The following CLVS1 variants were observed in gnomAD, a reference collection of about 807,000 sequenced individuals.
The protein encoded by CLVS1 is clavesin 1, also known as clavesin-1.
A neutral mutation model predicts 33.1 loss-of-function variants in CLVS1; 10 were observed. The ratio of observed to expected loss-of-function variants is 0.30; its 90% CI spans 0.19 to 0.51. CLVS1 has a LOEUF of 0.51. CLVS1 is among the 20% of genes least tolerant of loss of function. The probability of loss-of-function intolerance (pLI) is 0.97; values close to 1 mark genes in which losing one functional copy is unlikely to be tolerated. For synonymous variants in CLVS1, 163 were observed against 166.1 expected (o/e 0.98, Z 0.14); for missense variants, 343 against 433.4 (o/e 0.79, Z 1.85).
the CLVS1 span, among the ~76,000 whole-genome samples, chr8:61,006,158 T>C: frequency 3.3e-5 from 5 of 152,282 alleles, no homozygotes; most frequent in East Asian, 9.7e-4. Flanking sequence ...GAGGAGTCAC[T>C]TGAAGGGAGG....
intron 1 of CLVS1, among the ~76,000 whole-genome samples, chr8:61,074,329 C>T (rs1251356446): frequency 6.8e-6 from 1 of 146,734 alleles, no homozygotes; most frequent in Non-Finnish European, 1.5e-5. Context: ...CAGAGCGAGA[C>T]CCTGTCTCAA....
At chr8:61,366,641 C>T (rs187234576) in intron 2 of CLVS1, among the ~76,000 whole-genome samples, 10 of 152,276 alleles carry the variant, frequency 6.6e-5, no homozygotes, top group Admixed American at 2.6e-4. Flanking sequence ...TTCCTTCTTT[C>T]GCTAAGAAAC....
intron 3 of CLVS1, among the ~76,000 whole-genome samples, chr8:61,416,297 GCT>G (rs1554572727): frequency 2.0e-3 from 293 of 150,168 alleles, no homozygotes; most frequent in East Asian, 5.3e-3. Context: ...TAGCTAGCTA[GCT>G]AGCTAGATAC....
At chr8:61,298,497 TTG>T (rs1339809074) in intron 1 of CLVS1, among the ~76,000 whole-genome samples, 10 of 152,294 alleles carry the variant, frequency 6.6e-5, no homozygotes, top group African/African-American at 2.2e-4. Flanking sequence ...TGTGAGATGA[TTG>T]TCTCTCTTAA....
chr8:61,477,387 C>T (rs1022917691), intron 5 of CLVS1, among the ~76,000 whole-genome samples: 2 of 152,162 alleles, frequency 1.3e-5, no homozygotes. Context: ...CCAGCTCCTC[C>T]TTGTACCTCT....
At chr8:61,170,411 T>G (rs937223752) in intron 2 of CLVS1, among the ~76,000 whole-genome samples, 36 of 152,166 alleles carry the variant, frequency 2.4e-4, no homozygotes, top group African/African-American at 8.7e-4. Flanking sequence ...CACTCTGAGT[T>G]AAAGGGTATA....
chr8:61,330,232 T>C (rs1441869829), intron 2 of CLVS1, among the ~76,000 whole-genome samples: 2 of 152,116 alleles, frequency 1.3e-5, no homozygotes, highest in East Asian at 3.9e-4. Context: ...TGTTACAGTG[T>C]CCACGGACTT....
chr8:61,278,551 T>A (rs1413916447), intron 2 of CLVS1, among the ~76,000 whole-genome samples: 1 of 152,242 alleles, frequency 6.6e-6, no homozygotes, highest in Non-Finnish European at 1.5e-5. Context: ...TGGACATAAC[T>A]TTCCAAGATC....
intron 1 of CLVS1, among the ~76,000 whole-genome samples, chr8:61,063,880 C>A (rs1804629884): frequency 1.3e-5 from 2 of 152,174 alleles, no homozygotes; most frequent in Non-Finnish European, 2.9e-5. Context: ...CCAATAACCT[C>A]ATTTCTCCAT....
At chr8:61,461,573 A>G (rs1300421064) in intron 5 of CLVS1, among the ~76,000 whole-genome samples, 1 of 152,214 alleles carries the variant, frequency 6.6e-6, no homozygotes, top group African/African-American at 2.4e-5. Flanking sequence ...CCCCTCATAG[A>G]CCATGTGTTT....
At chr8:61,290,513 C>G (rs1489958550) in intron 1 of CLVS1, among the ~76,000 whole-genome samples, 1 of 152,150 alleles carries the variant, frequency 6.6e-6, no homozygotes, top group Non-Finnish European at 1.5e-5. Flanking sequence ...ATGGAGTAGA[C>G]AGCTGGAAGG....
chr8:61,497,289 G>C (rs555944688), intron 5 of CLVS1, among the ~76,000 whole-genome samples: 1 of 152,164 alleles, frequency 6.6e-6, no homozygotes, highest in Non-Finnish European at 1.5e-5. Flanking sequence ...GCATAAGGAG[G>C]AGTCCAGGAA....
chr8:61,199,018 G>T (rs1285010497), intron 2 of CLVS1, among the ~76,000 whole-genome samples: 2 of 152,162 alleles, frequency 1.3e-5, no homozygotes, highest in Non-Finnish European at 2.9e-5. Flanking sequence ...GAATTCTGCT[G>T]CAATAAACAC....
At chr8:61,079,341 A>G (rs1804981167) in intron 1 of CLVS1, among the ~76,000 whole-genome samples, 2 of 152,204 alleles carry the variant, frequency 1.3e-5, no homozygotes, top group South Asian at 2.1e-4. Flanking sequence ...TACTTTTCAT[A>G]TCTCAATTCC....
chr8:61,457,049 T>C (rs1406314618), intron 4 of CLVS1, among the ~76,000 whole-genome samples: 1 of 151,928 alleles, frequency 6.6e-6, no homozygotes, highest in Non-Finnish European at 1.5e-5. Flanking sequence ...GTGATTCTCC[T>C]TCTCCAGCCT....
chr8:61,236,117 G>A (rs549435673), intron 2 of CLVS1, among the ~76,000 whole-genome samples: 56 of 152,158 alleles, frequency 3.7e-4, no homozygotes, highest in Non-Finnish European at 7.5e-4. Context: ...AGATTCTGAG[G>A]CGAGCTTCCT....
At chr8:60,996,361 G>A in the CLVS1 span, among the ~76,000 whole-genome samples, 2 of 152,188 alleles carry the variant, frequency 1.3e-5, no homozygotes, top group Non-Finnish European at 2.9e-5. Context: ...GTCTGCCTGA[G>A]CCATTTGGGT....
chr8:61,462,865 G>T (rs2129607371), intron 5 of CLVS1, among the ~76,000 whole-genome samples: 1 of 152,274 alleles, frequency 6.6e-6, no homozygotes, highest in Non-Finnish European at 1.5e-5. Flanking sequence ...AAAGTCACCA[G>T]CTGCATTAGC....
chr8:61,071,682 C>T (rs117480725), intron 1 of CLVS1, among the ~76,000 whole-genome samples: 31 of 152,266 alleles, frequency 2.0e-4, no homozygotes, highest in Admixed American at 1.2e-3. Flanking sequence ...TGGTATCTTA[C>T]GCCAAATTTC....
Sources: gnomAD v4.1 joint callset for allele counts (sites outside exome capture counted in the v4.1 genomes callset) on GRCh38, gnomAD v4.1.1 for gene constraint, MANE v1.5 for transcripts, NCBI Gene and HGNC (gene_info 2026-07-23, HGNC 2026-07-21) for gene names.